CNTLN: variants seen among roughly 807,000 people sequenced by gnomAD.
The protein encoded by CNTLN is centlein.
Under a neutral mutation model 180.0 loss-of-function variants are expected in CNTLN, and 212 were observed. The observed-to-expected ratio is 1.18, with a 90% CI of 1.05 to 1.32. The LOEUF (loss-of-function observed/expected upper bound fraction) is 1.32. CNTLN is among the 40% of genes most tolerant of loss of function. CNTLN has a pLI of 0.00. For synonymous variants in CNTLN, 722 were observed against 563.1 expected, an observed-to-expected ratio of 1.28 and a Z score of -3.99; for missense variants, 2,095 against 1,610.9, an observed-to-expected ratio of 1.30 and a Z score of -5.14.
chr9:17,330,755 A>G lies in CNTLN; in HGVS notation c.1465A>G (p.Asn489Asp). ...AAAACTGTCAGAAAACATATCTGCC[A>G]ACAAGGGTTTCTCCCGAAAGAGCAT... ...NEKLSENISA[N>D]KGFSRKSIMT... Residue 489 changes from asparagine to aspartate, a missense_variant, in exon 9 of 26, where the codon AAC (asparagine) becomes GAC (aspartate). Transcript: ENST00000380647. 1 of 1,611,496 alleles carries G rather than the reference A, an allele frequency of 6.2e-7. No individual in the cohort carries two copies. The highest frequency in any genetic ancestry group is 8.5e-7 in the Non-Finnish European group (1 of 1,178,532).
chr9:17,445,985 A>T (rs1830389769), intron 18 of CNTLN, among the ~76,000 whole-genome samples: 1 of 152,232 alleles, frequency 6.6e-6, no homozygotes, highest in Non-Finnish European at 1.5e-5. Flanking sequence ...TGCTTTGTAA[A>T]GCATTGAGCT....
intron 23 of CNTLN, among the ~76,000 whole-genome samples, chr9:17,473,867 A>T (rs1476566024): frequency 6.6e-6 from 1 of 152,154 alleles, no homozygotes; most frequent in Non-Finnish European, 1.5e-5. Flanking sequence ...ATCTTATTTG[A>T]ACCCTTGGGA....
At chr9:17,136,496 A>AT (rs1817727303) in intron 1 of CNTLN, among the ~76,000 whole-genome samples, 1 of 152,158 alleles carries the variant, frequency 6.6e-6, no homozygotes, top group East Asian at 1.9e-4. Context: ...CGCCTGGCTA[A>AT]TTTTTTGTAT....
chr9:17,200,826 T>C (rs141994119), intron 2 of CNTLN, among the ~76,000 whole-genome samples: 2,201 of 152,278 alleles, frequency 0.014, 59 homozygotes, highest in African/African-American at 0.051. Flanking sequence ...CCTTTATTTA[T>C]TTCTTTTGCC....
chr9:17,320,083 G>C (rs944980543), intron 8 of CNTLN, among the ~76,000 whole-genome samples: 3 of 152,154 alleles, frequency 2.0e-5, no homozygotes, highest in East Asian at 1.9e-4. Flanking sequence ...AGAAAGCCAG[G>C]GTTTACTATA....
chr9:17,469,582 G>C (rs1411452291), intron 23 of CNTLN, among the ~76,000 whole-genome samples: 2 of 151,700 alleles, frequency 1.3e-5, no homozygotes, highest in Admixed American at 1.3e-4. Context: ...ACCACATTAG[G>C]TGCGTTAGAT....
intron 5 of CNTLN, among the ~76,000 whole-genome samples, chr9:17,268,321 G>T (rs1232120486): frequency 6.6e-6 from 1 of 152,126 alleles, no homozygotes; most frequent in Non-Finnish European, 1.5e-5. Flanking sequence ...TGTTTGCCTG[G>T]GTATCAGCAG....
chr9:17,299,607 AGC>A (rs1184103279), intron 7 of CNTLN: 1 of 985,268 alleles, frequency 1.0e-6, no homozygotes, highest in Admixed American at 6.2e-5. Context: ...CCTAGATGAT[AGC>A]AAGCAGGAAG....
intron 12 of CNTLN, among the ~76,000 whole-genome samples, chr9:17,358,971 T>C (rs1450251312): frequency 1.3e-5 from 2 of 152,150 alleles, no homozygotes; most frequent in Non-Finnish European, 2.9e-5. Context: ...AGAACATCTT[T>C]GTGACTTTGT....
intron 2 of CNTLN, among the ~76,000 whole-genome samples, chr9:17,150,230 A>G (rs565240020): frequency 6.6e-6 from 1 of 152,140 alleles, no homozygotes; most frequent in South Asian, 2.1e-4. Flanking sequence ...TTGCCCATGC[A>G]TATGTCCTGA....
At chr9:17,335,056 G>A (rs565508634) in intron 10 of CNTLN, among the ~76,000 whole-genome samples, 149 of 152,222 alleles carry the variant, frequency 9.8e-4, no homozygotes, top group Non-Finnish European at 1.3e-3. Context: ...GGCAAGAGAA[G>A]ACTAATGTCC....
intron 2 of CNTLN, among the ~76,000 whole-genome samples, chr9:17,147,634 C>T (rs377294684): frequency 0.02 from 3,042 of 152,084 alleles, 66 homozygotes; most frequent in African/African-American, 0.054. Context: ...GCTGTTGTTT[C>T]CCATGCTGAT....
intron 6 of CNTLN, among the ~76,000 whole-genome samples, chr9:17,292,131 A>G (rs780646121): frequency 4.0e-4 from 61 of 152,174 alleles, no homozygotes; most frequent in Admixed American, 7.9e-4. Flanking sequence ...ATGGCCCCCA[A>G]TCTCTTCTCG....
At position 17,466,695 on chromosome 9, in the gene CNTLN, A is replaced by G; in HGVS notation, c.3670-11A>G. ...AATATCTTTTATTTTATGACTGCTGATCTTTTGCAGGATCTCAAGCTTACT... is the reference window on the plus strand; with the variant it reads ...AATATCTTTTATTTTATGACTGCTGGTCTTTTGCAGGATCTCAAGCTTACT... On this transcript the variant is annotated splice_polypyrimidine_tract_variant and intron_variant, in intron 22 of 25. Coordinates refer to ENST00000380647, the MANE Select transcript of CNTLN (RefSeq NM_017738.4). 1 of 1,601,360 alleles carries G rather than the reference A, an allele frequency of 6.2e-7. No homozygotes were observed.
chr9:17,456,573 T>C (rs1437244081), intron 18 of CNTLN, among the ~76,000 whole-genome samples: 21 of 152,284 alleles, frequency 1.4e-4, no homozygotes, highest in Non-Finnish European at 2.8e-4. Flanking sequence ...ACATGTTTCA[T>C]GTTTATCTTA....
chr9:17,474,571 T>C (rs1487161778), intron 23 of CNTLN, among the ~76,000 whole-genome samples: 1 of 152,158 alleles, frequency 6.6e-6, no homozygotes, highest in Admixed American at 6.5e-5. Context: ...AATGATCCTT[T>C]TAAAATGGAA....
Position 17,388,252 on chromosome 9 carries a change from AG to A in CNTLN, c.2079+1del, listed in dbSNP as rs775659310. 2 of 1,598,922 alleles carry A rather than the reference AG, an allele frequency of 1.3e-6. No individual in the cohort carries two copies. Among genetic ancestry groups the A allele is most frequent in the African/African-American group, 1.3e-5 (1 of 74,650 alleles). On this transcript the variant is annotated frameshift_variant and splice_region_variant, in exon 14 of 26. Coordinates refer to ENST00000380647, the MANE Select transcript of CNTLN (RefSeq NM_017738.4). LOFTEE classifies it high-confidence loss of function. Reference sequence around the variant, plus strand: ...GAAATGTTGGAGCAGACATTACAGAAGGTAGTCTAATCTTTAAGATATTGAG... The same window carrying A: ...GAAATGTTGGAGCAGACATTACAGAAGTAGTCTAATCTTTAAGATATTGAG... ...GKEMLEQTLQ[K>X]VTELENRLKS...
chr9:17,367,288 C>T (rs1242026244), intron 13 of CNTLN, among the ~76,000 whole-genome samples: 1 of 152,230 alleles, frequency 6.6e-6, no homozygotes. Context: ...TGCCTGCCCA[C>T]AGAAAGAGCA....
intron 8 of CNTLN, among the ~76,000 whole-genome samples, chr9:17,326,600 T>C (rs1396765210): frequency 6.6e-6 from 1 of 152,154 alleles, no homozygotes; most frequent in African/African-American, 2.4e-5. Flanking sequence ...ACAGTATGGC[T>C]GGGGAGAAAA....
Sources: allele counts gnomAD v4.1 joint callset (sites outside exome capture counted in the v4.1 genomes callset), GRCh38; gene constraint gnomAD v4.1.1; transcripts MANE v1.5; gene names NCBI Gene and HGNC (gene_info 2026-07-23, HGNC 2026-07-21).